The following TMEM178A variants were observed in gnomAD, a reference collection of about 807,000 sequenced individuals.
The protein encoded by TMEM178A is transmembrane protein 178.
A neutral mutation model predicts 29.1 loss-of-function variants in TMEM178A; 12 were observed. The ratio of observed to expected loss-of-function variants is 0.41; its 90% CI spans 0.26 to 0.67. The LOEUF (loss-of-function observed/expected upper bound fraction) is 0.67. Ranked by LOEUF, TMEM178A falls within the 30% of genes least tolerant of loss-of-function variation. The pLI, the probability that TMEM178A is intolerant of heterozygous loss-of-function variation, is 0.29. For missense variants in TMEM178A, 366 were observed against 419.1 expected, an observed-to-expected ratio of 0.87 and a Z score of 1.11; for synonymous variants, 210 against 187.2, an observed-to-expected ratio of 1.12 and a Z score of -0.99.
chr2:39,705,937 AG>A (rs1486674412), intron 2 of TMEM178A, among the ~76,000 whole-genome samples: 16 of 152,244 alleles, frequency 1.1e-4, no homozygotes. Context: ...TGTTGTTTTA[AG>A]AAGGGTGATT....
At chr2:39,671,482 G>A (rs889237594) in intron 1 of TMEM178A, among the ~76,000 whole-genome samples, 2 of 152,122 alleles carry the variant, frequency 1.3e-5, no homozygotes, top group African/African-American at 4.8e-5. Context: ...CTTCTCTTGG[G>A]TTAAAAGATG....
intron 1 of TMEM178A, among the ~76,000 whole-genome samples, chr2:39,676,949 A>G (rs1403179318): frequency 1.3e-5 from 2 of 152,188 alleles, no homozygotes; most frequent in Non-Finnish European, 2.9e-5. Context: ...ATCTCTAGAG[A>G]TTCAGAGATG....
intron 1 of TMEM178A, among the ~76,000 whole-genome samples, chr2:39,688,665 A>G (rs1213826779): frequency 2.0e-5 from 3 of 152,262 alleles, no homozygotes; most frequent in Admixed American, 1.3e-4. Context: ...AGTCTTTTCA[A>G]CTTTGCTTTA....
At chr2:39,675,023 C>T (rs1483265061) in intron 1 of TMEM178A, among the ~76,000 whole-genome samples, 2 of 152,220 alleles carry the variant, frequency 1.3e-5, no homozygotes, top group African/African-American at 4.8e-5. Flanking sequence ...TCCACAAAAC[C>T]TGGCATACCA....
chr2:39,699,679 A>C lies in TMEM178A; in HGVS notation c.401-4402A>C, dbSNP rs202192244. Among the ~76,000 whole-genome samples, 13 of 151,476 alleles carry C rather than the reference A, an allele frequency of 8.6e-5. 1 individual carries two copies. In the East Asian group the frequency reaches 1.7e-3, roughly 20 times the overall value. ...ACTATGTTGCCCAGGCTGGTCCTCA[A>C]CTCCTGGGTTCAAGTGACCCTCCCA... On this transcript the variant is annotated intron_variant, in intron 1 of 3. Transcript: ENST00000281961.
Position 39,710,066 on chromosome 2 carries a change from C to A in TMEM178A, c.652+2880C>A, listed in dbSNP as rs140789495. Among the ~76,000 whole-genome samples, 508 of 152,206 alleles carry A rather than the reference C, an allele frequency of 3.3e-3. 3 individuals are homozygous for A. The highest frequency in any genetic ancestry group is 0.011 in the African/African-American group (472 of 41,522). ...AGCTCCACCTCTCCCTGTTCTCAGC[C>A]CTTATTTTGGATCCATGTGTGGATT... On this transcript the variant is annotated intron_variant, in intron 3 of 3. Transcript: ENST00000281961.
At chr2:39,734,100 G>C in the TMEM178A span, among the ~76,000 whole-genome samples, 1 of 152,052 alleles carries the variant, frequency 6.6e-6, no homozygotes. Context: ...TGCAAAACTA[G>C]TTGTAAGAAC....
chr2:39,720,101 A>G (rs1401535420), downstream of TMEM178A, among the ~76,000 whole-genome samples: 1 of 152,146 alleles, frequency 6.6e-6, no homozygotes, highest in African/African-American at 2.4e-5. Flanking sequence ...AAGTTATTCA[A>G]TTACTAAAAT....
chr2:39,688,183 G>A (rs1236161883), intron 1 of TMEM178A, among the ~76,000 whole-genome samples: 4 of 152,206 alleles, frequency 2.6e-5, no homozygotes, highest in African/African-American at 4.8e-5. Flanking sequence ...GTCTTCCTTA[G>A]GTAACTAACA....
chr2:39,735,073 A>G, the TMEM178A span, among the ~76,000 whole-genome samples: 2 of 152,286 alleles, frequency 1.3e-5, no homozygotes, highest in Admixed American at 6.5e-5. Context: ...CCTAAAACAT[A>G]TGTTAGGTGA....
At chr2:39,666,861 G>A (rs536073062) in intron 1 of TMEM178A, among the ~76,000 whole-genome samples, 12 of 152,384 alleles carry the variant, frequency 7.9e-5, no homozygotes, top group Admixed American at 5.2e-4. Flanking sequence ...CCTCCGAAGA[G>A]AGGGAAGGGG....
chr2:39,688,072 C>T (rs961826238), intron 1 of TMEM178A, among the ~76,000 whole-genome samples: 1 of 152,232 alleles, frequency 6.6e-6, no homozygotes, highest in African/African-American at 2.4e-5. Context: ...ATATAGCATA[C>T]TTTTAGTAAG....
chr2:39,709,727 G>A (rs1672219829), intron 3 of TMEM178A, among the ~76,000 whole-genome samples: 1 of 152,180 alleles, frequency 6.6e-6, no homozygotes. Flanking sequence ...AAGAGGTACA[G>A]ATGTGTTGCC....
At chr2:39,701,910 G>A (rs1671798440) in intron 1 of TMEM178A, among the ~76,000 whole-genome samples, 1 of 151,886 alleles carries the variant, frequency 6.6e-6, no homozygotes, top group African/African-American at 2.4e-5. Context: ...CTGTCATGTT[G>A]CTAATATTCT....
In TMEM178A at chr2:39,672,414, C is replaced by T. The variant is rs11886795; in HGVS notation, c.400+6040C>T. Among the ~76,000 whole-genome samples, 867 of 152,280 alleles carry T rather than the reference C, an allele frequency of 5.7e-3. 13 individuals carry two copies. Among genetic ancestry groups the T allele is most frequent in the African/African-American group, 0.02 (821 of 41,552 alleles). ...TAGAAAGTTCACATCCAATTATACC[C>T]GAGTTGCTGTGCTTTTTTTCCTTAG... On this transcript the variant is annotated intron_variant, in intron 1 of 3. Coordinates refer to ENST00000281961, the MANE Select transcript of TMEM178A (RefSeq NM_152390.3).
At chr2:39,728,401 A>G in the TMEM178A span, among the ~76,000 whole-genome samples, 1 of 152,154 alleles carries the variant, frequency 6.6e-6, no homozygotes, top group Non-Finnish European at 1.5e-5. Context: ...CACTGTTCTC[A>G]GATCTACAGG....
chr2:39,700,046 A>T (rs1319342428), intron 1 of TMEM178A, among the ~76,000 whole-genome samples: 1 of 152,032 alleles, frequency 6.6e-6, no homozygotes, highest in East Asian at 1.9e-4. Context: ...ATTTATTGAG[A>T]TTTATTTTAT....
chr2:39,674,868 A>G (rs1159073701), intron 1 of TMEM178A, among the ~76,000 whole-genome samples: 1 of 151,788 alleles, frequency 6.6e-6, no homozygotes, highest in African/African-American at 2.4e-5. Context: ...TCTGAAATTC[A>G]AGTTGGTAGG....
intron 3 of TMEM178A, among the ~76,000 whole-genome samples, chr2:39,710,292 A>T (rs1024842687): frequency 3.9e-5 from 6 of 152,208 alleles, no homozygotes; most frequent in Non-Finnish European, 7.3e-5. Flanking sequence ...CATTGTTAAC[A>T]TTGTTCTGTT....
Sources: gnomAD v4.1 joint callset for allele counts (sites outside exome capture counted in the v4.1 genomes callset) on GRCh38, gnomAD v4.1.1 for gene constraint, MANE v1.5 for transcripts, NCBI Gene and HGNC (gene_info 2026-07-23, HGNC 2026-07-21) for gene names.